CDH12: variants seen among roughly 807,000 people sequenced by gnomAD.
The protein encoded by CDH12 is cadherin 12.
CDH12 carries 41 observed loss-of-function variants against 74.1 expected under a neutral mutation model. The ratio of observed to expected loss-of-function variants is 0.55; its 90% CI spans 0.43 to 0.72. The LOEUF (loss-of-function observed/expected upper bound fraction) is 0.72. Ranked by LOEUF, CDH12 falls within the 30% of genes least tolerant of loss-of-function variation. The pLI is 0.00. For synonymous variants in CDH12, 399 were observed against 355.0 expected, an observed-to-expected ratio of 1.12 and a Z score of -1.39; for missense variants, 945 against 977.2, an observed-to-expected ratio of 0.97 and a Z score of 0.44.
At chr5:22,709,553 TG>T (rs751060706) in intron 1 of CDH12, among the ~76,000 whole-genome samples, 56 of 152,350 alleles carry the variant, frequency 3.7e-4, no homozygotes, top group Middle Eastern at 3.4e-3. Context: ...AATTAGCAAA[TG>T]TATATTCTTC....
intron 6 of CDH12, among the ~76,000 whole-genome samples, chr5:21,958,513 G>A (rs1448149790): frequency 6.6e-6 from 1 of 152,008 alleles, no homozygotes; most frequent in Non-Finnish European, 1.5e-5. Context: ...TTTGCATATG[G>A]CTAGTTAGTT....
At chr5:22,339,885 A>C (rs1275022901) in intron 3 of CDH12, among the ~76,000 whole-genome samples, 1 of 152,312 alleles carries the variant, frequency 6.6e-6, no homozygotes, top group East Asian at 1.9e-4. Context: ...TGTTTTCTTA[A>C]TAATGTGTTG....
intron 2 of CDH12, among the ~76,000 whole-genome samples, chr5:22,419,801 CA>C (rs1250115776): frequency 1.3e-5 from 2 of 152,186 alleles, no homozygotes; most frequent in African/African-American, 4.8e-5. Flanking sequence ...TCCACAGCCT[CA>C]CCAGCATCTG....
chr5:22,075,055 C>G (rs375889065), intron 5 of CDH12, among the ~76,000 whole-genome samples: 4 of 151,948 alleles, frequency 2.6e-5, no homozygotes, highest in African/African-American at 4.8e-5. Flanking sequence ...GACTTGGAAT[C>G]GACCCAAATG....
At chr5:22,110,171 T>C (rs190697487) in intron 4 of CDH12, among the ~76,000 whole-genome samples, 14 of 152,312 alleles carry the variant, frequency 9.2e-5, no homozygotes, top group Admixed American at 8.5e-4. Flanking sequence ...CTCCTGTTTT[T>C]AAGCAACAGA....
chr5:22,126,194 C>T (rs1267355628), intron 4 of CDH12, among the ~76,000 whole-genome samples: 4 of 151,954 alleles, frequency 2.6e-5, no homozygotes, highest in African/African-American at 9.7e-5. Context: ...GTGAAGACTC[C>T]AAGTTGCTCC....
At chr5:22,766,817 A>G (rs1411050749) in intron 1 of CDH12, among the ~76,000 whole-genome samples, 1 of 152,136 alleles carries the variant, frequency 6.6e-6, no homozygotes, top group Non-Finnish European at 1.5e-5. Flanking sequence ...TTTAGAGATG[A>G]GTTAAAGTGT....
At chr5:22,706,999 A>T (rs2126968185) in intron 1 of CDH12, among the ~76,000 whole-genome samples, 1 of 152,296 alleles carries the variant, frequency 6.6e-6, no homozygotes, top group South Asian at 2.1e-4. Flanking sequence ...TCAAGTGCAG[A>T]CAGTCTTTTC....
chr5:22,364,874 A>G (rs1187135362), intron 3 of CDH12, among the ~76,000 whole-genome samples: 1 of 152,228 alleles, frequency 6.6e-6, no homozygotes, highest in Non-Finnish European at 1.5e-5. Context: ...AAATCAGGCC[A>G]ATAACAAAAT....
chr5:22,690,880 C>T (rs893602932), intron 1 of CDH12, among the ~76,000 whole-genome samples: 1 of 152,084 alleles, frequency 6.6e-6, no homozygotes, highest in Non-Finnish European at 1.5e-5. Flanking sequence ...AGACAGTTTT[C>T]AGGTCATGCA....
At chr5:22,394,725 A>G (rs1742387783) in intron 3 of CDH12, among the ~76,000 whole-genome samples, 1 of 152,098 alleles carries the variant, frequency 6.6e-6, no homozygotes, top group South Asian at 2.1e-4. Flanking sequence ...CAAGCCCACC[A>G]TTATATTTTT....
chr5:22,789,923 T>G (rs1231231674), intron 1 of CDH12, among the ~76,000 whole-genome samples: 1 of 151,922 alleles, frequency 6.6e-6, no homozygotes, highest in East Asian at 1.9e-4. Context: ...TGGCTTCATT[T>G]AAATTACAGT....
intron 1 of CDH12, among the ~76,000 whole-genome samples, chr5:22,799,441 C>T (rs184984016): frequency 1.8e-4 from 28 of 151,886 alleles, no homozygotes; most frequent in African/African-American, 6.8e-4. Flanking sequence ...AATACATAGC[C>T]CTTTTCAGTA....
chr5:22,684,950 A>G (rs1741681357), intron 1 of CDH12, among the ~76,000 whole-genome samples: 1 of 152,132 alleles, frequency 6.6e-6, no homozygotes, highest in African/African-American at 2.4e-5. Flanking sequence ...TTTTCCTCCA[A>G]TAGGCTCAGA....
chr5:21,802,596 T>TTTTC (rs1373856138), intron 9 of CDH12, among the ~76,000 whole-genome samples, 176 bp from the exon 10 acceptor site: 5 of 143,774 alleles, frequency 3.5e-5, no homozygotes, highest in African/African-American at 5.0e-5. Context: ...TTTTTTTCTT[T>TTTTC]TTTTTTTTTT....
At chr5:22,425,698 A>AAGAAAGTATATTT (rs1743901326) in intron 2 of CDH12, among the ~76,000 whole-genome samples, 1 of 151,756 alleles carries the variant, frequency 6.6e-6, no homozygotes, top group South Asian at 2.1e-4. Flanking sequence ...AATTTATATT[A>AAGAAAGTATATTT]CTTATATATA....
chr5:22,403,947 C>A (rs569503314), intron 3 of CDH12, among the ~76,000 whole-genome samples: 9 of 152,040 alleles, frequency 5.9e-5, no homozygotes, highest in African/African-American at 1.9e-4. Context: ...TAATATTTGA[C>A]TATATTATTT....
intron 2 of CDH12, among the ~76,000 whole-genome samples, chr5:22,466,555 G>A (rs1359025726): frequency 6.6e-6 from 1 of 152,128 alleles, no homozygotes; most frequent in African/African-American, 2.4e-5. Flanking sequence ...TTTTGCACAC[G>A]TGTGTAGGAG....
chr5:22,076,142 A>G (rs766216397), intron 5 of CDH12, among the ~76,000 whole-genome samples: 2 of 152,092 alleles, frequency 1.3e-5, no homozygotes, highest in Non-Finnish European at 2.9e-5. Flanking sequence ...TCCATTATCA[A>G]TGTGGAGCCC....
Sources: allele counts gnomAD v4.1 joint callset (sites outside exome capture counted in the v4.1 genomes callset), GRCh38; gene constraint gnomAD v4.1.1; transcripts MANE v1.5; gene names NCBI Gene and HGNC (gene_info 2026-07-23, HGNC 2026-07-21).